Variants in BPTF observed in about 807,000 individuals in gnomAD.
The protein encoded by BPTF is bromodomain PHD finger transcription factor, also known as nucleosome-remodeling factor subunit BPTF.
BPTF carries 18 observed loss-of-function variants against 292.5 expected under a neutral mutation model. That is an observed-to-expected ratio of 0.06 (90% CI 0.04 to 0.09). BPTF has a LOEUF of 0.09. Ranked by LOEUF, BPTF falls within the 10% of genes least tolerant of loss-of-function variation. BPTF has a pLI of 1.00. For synonymous variants in BPTF, 1,225 were observed against 1,251.9 expected (o/e 0.98, Z 0.45); for missense variants, 2,726 against 3,498.7 (o/e 0.78, Z 5.57).
chr17:67,925,979 AC>A (rs1361269684), intron 15 of BPTF, among the ~76,000 whole-genome samples: 1 of 141,604 alleles, frequency 7.1e-6, no homozygotes, highest in African/African-American at 2.6e-5. Context: ...CTGCAATGTA[AC>A]CTAACATATT....
intron 1 of BPTF, among the ~76,000 whole-genome samples, chr17:67,850,936 T>A (rs2058356186): frequency 6.6e-6 from 1 of 152,188 alleles, no homozygotes; most frequent in Admixed American, 6.5e-5. Flanking sequence ...TTATCCCATG[T>A]AAATGGCAAT....
At chr17:67,952,196 A>G (rs142824149) in intron 23 of BPTF, among the ~76,000 whole-genome samples, 3 of 151,622 alleles carry the variant, frequency 2.0e-5, no homozygotes, top group African/African-American at 7.3e-5. Context: ...ATAAATTTTA[A>G]TTTTATAAGA....
At chr17:67,835,119 A>C (rs185238686) in intron 1 of BPTF, among the ~76,000 whole-genome samples, 101 of 152,192 alleles carry the variant, frequency 6.6e-4, no homozygotes, top group African/African-American at 2.1e-3. Context: ...CTGAGGTGGG[A>C]GGATTGCTTG....
chr17:67,856,503 C>G (rs1397431290), intron 2 of BPTF, among the ~76,000 whole-genome samples: 4 of 152,060 alleles, frequency 2.6e-5, no homozygotes, highest in Non-Finnish European at 5.9e-5. Context: ...ATTTTCTGCT[C>G]CTCATTAACA....
chr17:67,854,837 G>A lies in BPTF; in HGVS notation c.1436+75G>A, dbSNP rs528194964. ...TTTCCTTCGTGATTGATGTAGCAGA[G>A]CTATGCTGTTGATGTGGTATAAACC... On this transcript the variant is annotated intron_variant, in intron 2 of 27. Transcript: ENST00000306378. This position sits in a 1 kb window ranked among gnomAD's most constrained non-coding sequence, Gnocchi z 5.6. 2 of 1,053,382 alleles carry A rather than the reference G, an allele frequency of 1.9e-6. No individual in the cohort carries two copies. Among genetic ancestry groups the A allele is most frequent in the Admixed American group, 2.2e-5 (1 of 44,950 alleles). The allele number at this position is 1,053,382 out of a possible 1,614,324, so 65.3% of individuals were successfully genotyped here.
At chr17:67,838,483 A>G (rs374898106) in intron 1 of BPTF, among the ~76,000 whole-genome samples, 2 of 151,946 alleles carry the variant, frequency 1.3e-5, no homozygotes, top group Non-Finnish European at 2.9e-5. Context: ...GTATGTACAT[A>G]CTTTTTTTTT....
In BPTF at chr17:67,846,890, A is replaced by G. The variant is rs188378256; in HGVS notation, c.614-7050A>G. Among the ~76,000 whole-genome samples, 415 of 152,184 alleles carry G rather than the reference A, an allele frequency of 2.7e-3. 4 individuals are homozygous for G. The highest frequency in any genetic ancestry group is 9.3e-3 in the African/African-American group (388 of 41,536). On this transcript the variant is annotated intron_variant, in intron 1 of 27. Transcript: ENST00000306378. ...TAATTTTTGTTATTTTAGTAGAGAC[A>G]GGGTTTCGCCATGTTGGCCAGGCTG... is the stretch of plus-strand genomic sequence containing the variant.
At chr17:67,871,856 C>T (rs1404301325) in intron 3 of BPTF, among the ~76,000 whole-genome samples, 3 of 152,036 alleles carry the variant, frequency 2.0e-5, no homozygotes, top group South Asian at 2.1e-4. Flanking sequence ...GACAGAGTCT[C>T]GCTCTGTCAC....
chr17:67,835,290 A>G (rs2057036223), intron 1 of BPTF, among the ~76,000 whole-genome samples: 1 of 152,202 alleles, frequency 6.6e-6, no homozygotes, highest in South Asian at 2.1e-4. Context: ...CAAGTGCTCT[A>G]TAGCCACATG....
chr17:67,973,057 T>TATATATATAAATATATATATA (rs2068962587), intron 26 of BPTF, among the ~76,000 whole-genome samples: 1 of 144,716 alleles, frequency 6.9e-6, no homozygotes, highest in Non-Finnish European at 1.5e-5. Flanking sequence ...ATATATTTTA[T>TATATATATAAATATATATATA]ATATATATAA....
At chr17:67,966,041 C>G (rs374633820) in intron 25 of BPTF, 2 of 155,630 alleles carry the variant, frequency 1.3e-5, no homozygotes, top group African/African-American at 2.4e-5. Context: ...AATGACAGAG[C>G]GAGACCCTGT....
chr17:67,887,230 G>A (rs940074315), intron 4 of BPTF, among the ~76,000 whole-genome samples: 1 of 152,066 alleles, frequency 6.6e-6, no homozygotes, highest in Non-Finnish European at 1.5e-5. Context: ...TTTCTTACAT[G>A]TATTTGTTGA....
chr17:67,897,027 T>C (rs561339169), intron 7 of BPTF, among the ~76,000 whole-genome samples: 1 of 151,692 alleles, frequency 6.6e-6, no homozygotes, highest in South Asian at 2.1e-4. Flanking sequence ...AAATAACCAA[T>C]ATCAAGAATA....
chr17:67,884,621 G>A (rs1309503323), intron 4 of BPTF, among the ~76,000 whole-genome samples: 1 of 151,956 alleles, frequency 6.6e-6, no homozygotes, highest in Non-Finnish European at 1.5e-5. Flanking sequence ...TCACCGTGTT[G>A]CCCAGGCTGG....
chr17:67,864,779 A>G (rs2059297373), intron 2 of BPTF, among the ~76,000 whole-genome samples: 1 of 151,996 alleles, frequency 6.6e-6, no homozygotes. Context: ...CATTATACTT[A>G]CCAGTTGATC....
chr17:67,879,307 A>C (rs571751560), intron 4 of BPTF, among the ~76,000 whole-genome samples: 10 of 151,904 alleles, frequency 6.6e-5, no homozygotes, highest in Admixed American at 1.3e-4. Flanking sequence ...ACGTCTGGCT[A>C]ATTTTTGTAT....
At chr17:67,919,379 C>CT (rs776541248) in intron 12 of BPTF, among the ~76,000 whole-genome samples, 1 of 151,746 alleles carries the variant, frequency 6.6e-6, no homozygotes, top group African/African-American at 2.4e-5. Context: ...CTTCAAAACT[C>CT]TAATTTAAAA....
At chr17:67,935,516 C>T (rs191388643) in intron 18 of BPTF, among the ~76,000 whole-genome samples, 4 of 152,178 alleles carry the variant, frequency 2.6e-5, no homozygotes, top group Non-Finnish European at 5.9e-5. Context: ...AAAAATTAGA[C>T]CATTATTTTG....
Position 67,911,234 on chromosome 17 carries a change from G to T in BPTF, c.3350G>T (p.Ser1117Ile). Residue 1117 changes from serine (S) to isoleucine (I), a missense_variant, in exon 11 of 28, where the codon AGT (serine) becomes ATT (isoleucine). By Grantham distance (142) the Ser-to-Ile change is moderately radical (BLOSUM62 -2). Coordinates refer to ENST00000306378, the MANE Select transcript of BPTF (RefSeq NM_182641.4). ...VITKAKEGCQ[S>I]DSMRQEQSPN... ...ACGAAAGCAAAAGAAGGGTGTCAGA[G>T]TGACTCGATGAGACAAGAACAGAGC... 6.2e-7 allele frequency: 1 copy of T among 1,614,006 alleles called. No individual in the cohort carries two copies.
Sources: gnomAD v4.1 joint callset for allele counts (sites outside exome capture counted in the v4.1 genomes callset) on GRCh38, gnomAD v4.1.1 for gene constraint, Gnocchi (gnomAD v3.1) non-coding constraint, MANE v1.5 for transcripts, NCBI Gene and HGNC (gene_info 2026-07-23, HGNC 2026-07-21) for gene names.